Variants in PARN observed in about 807,000 individuals in gnomAD.
PARN encodes poly(A)-specific ribonuclease PARN.
Under a neutral mutation model 102.8 loss-of-function variants are expected in PARN, and 71 were observed. That is an observed-to-expected ratio of 0.69 (90% CI 0.57 to 0.84). The LOEUF (loss-of-function observed/expected upper bound fraction) is 0.84, where lower values mean the gene tolerates loss of function less well. Among genes scored for constraint, PARN ranks in the 40% least tolerant of loss-of-function variants. PARN has a pLI of 0.00. For missense variants in PARN, 782 were observed against 760.9 expected, an observed-to-expected ratio of 1.03 and a Z score of -0.33; for synonymous variants, 261 against 252.9, an observed-to-expected ratio of 1.03 and a Z score of -0.30.
chr16:14,506,197 G>C (rs778849525), intron 21 of PARN, among the ~76,000 whole-genome samples: 36 of 152,142 alleles, frequency 2.4e-4, no homozygotes, highest in Non-Finnish European at 5.0e-4. Context: ...TAAAACAACT[G>C]ATCTGAACTC....
At chr16:14,481,202 G>A (rs564766183) in intron 22 of PARN, among the ~76,000 whole-genome samples, 1 of 152,244 alleles carries the variant, frequency 6.6e-6, no homozygotes, top group Non-Finnish European at 1.5e-5. Context: ...CAGCCTTACT[G>A]ATAATAGCTC....
At chr16:14,609,789 G>C (rs1376985345) in intron 7 of PARN, among the ~76,000 whole-genome samples, 1 of 152,206 alleles carries the variant, frequency 6.6e-6, no homozygotes, top group Non-Finnish European at 1.5e-5. Flanking sequence ...TTTACTGCAA[G>C]CAAAGAGAAC....
At chr16:14,575,164 G>A (rs1969046876) in intron 18 of PARN, among the ~76,000 whole-genome samples, 1 of 152,340 alleles carries the variant, frequency 6.6e-6, no homozygotes, top group Non-Finnish European at 1.5e-5. Flanking sequence ...CAGTGCAGAA[G>A]GGAAATGTGG....
chr16:14,480,170 T>G (rs1416783414), intron 22 of PARN, among the ~76,000 whole-genome samples: 1 of 151,722 alleles, frequency 6.6e-6, no homozygotes, highest in Admixed American at 6.6e-5. Context: ...CTGTCTCTAC[T>G]AAAAAAACAA....
intron 23 of PARN, among the ~76,000 whole-genome samples, chr16:14,445,091 G>A (rs1961138346): frequency 6.7e-6 from 1 of 148,828 alleles, no homozygotes; most frequent in African/African-American, 2.5e-5. Flanking sequence ...GCTTCCCAGA[G>A]TGGTGGGATT....
chr16:14,471,090 G>C (rs1962712126), intron 22 of PARN, among the ~76,000 whole-genome samples: 1 of 152,122 alleles, frequency 6.6e-6, no homozygotes, highest in African/African-American at 2.4e-5. Flanking sequence ...GCTGATACAG[G>C]TAATTTTTAA....
At chr16:14,626,466 T>C (rs1377549439) in intron 5 of PARN, among the ~76,000 whole-genome samples, 1 of 152,144 alleles carries the variant, frequency 6.6e-6, no homozygotes, top group Non-Finnish European at 1.5e-5. Flanking sequence ...CTGCAAGTCT[T>C]GATGTGTAGG....
At chr16:14,471,036 T>C (rs1962708885) in intron 22 of PARN, among the ~76,000 whole-genome samples, 1 of 152,152 alleles carries the variant, frequency 6.6e-6, no homozygotes, top group African/African-American at 2.4e-5. Flanking sequence ...TCCCATCTCA[T>C]CCTCCCAAAG....
At chr16:14,461,216 C>G (rs920544751) in intron 22 of PARN, among the ~76,000 whole-genome samples, 2 of 152,018 alleles carry the variant, frequency 1.3e-5, no homozygotes, top group Non-Finnish European at 2.9e-5. Flanking sequence ...TCTAAAGAAG[C>G]CTATGGAGAT....
At chr16:14,581,327 C>A (rs138975696) in intron 17 of PARN, among the ~76,000 whole-genome samples, 1,536 of 152,228 alleles carry the variant, frequency 0.01, 28 homozygotes, top group African/African-American at 0.035. Context: ...GCTGGGATTA[C>A]AGGAGTAAGC....
At chr16:14,525,667 G>T (rs1965959366) in intron 21 of PARN, among the ~76,000 whole-genome samples, 1 of 152,090 alleles carries the variant, frequency 6.6e-6, no homozygotes, top group Admixed American at 6.5e-5. Context: ...GAGCCGCTCA[G>T]TGAATCCAGA....
chr16:14,630,096 C>A lies in PARN; in HGVS notation c.19+11G>T. The A allele has an allele frequency of 6.4e-7, 1 of 1,558,058 alleles. No individual in the cohort carries two copies. The highest frequency in any genetic ancestry group is 1.2e-5 in the South Asian group (1 of 84,736). Reference sequence around the variant, plus strand: ...TGTGGGGAGGCGGGGAGGTGTACGGCGGACACGCACTGCTCCTGATTATCT... The same window carrying A: ...TGTGGGGAGGCGGGGAGGTGTACGGAGGACACGCACTGCTCCTGATTATCT... On this transcript the variant is annotated intron_variant, in intron 1 of 23. Coordinates refer to ENST00000437198, the MANE Select transcript of PARN (RefSeq NM_002582.4).
At chr16:14,458,564 T>C (rs1297775214) in intron 22 of PARN, among the ~76,000 whole-genome samples, 2 of 152,018 alleles carry the variant, frequency 1.3e-5, no homozygotes, top group African/African-American at 4.8e-5. Context: ...ACTCTCTTTG[T>C]AGAGGAAAAG....
At chr16:14,496,429 A>G (rs1050332734) in intron 21 of PARN, among the ~76,000 whole-genome samples, 1 of 151,734 alleles carries the variant, frequency 6.6e-6, no homozygotes, top group Non-Finnish European at 1.5e-5. Context: ...TTACTTAAAG[A>G]AAAAAAAAGA....
intron 23 of PARN, among the ~76,000 whole-genome samples, chr16:14,437,017 G>C (rs1235155091): frequency 2.0e-5 from 3 of 152,330 alleles, no homozygotes; most frequent in Admixed American, 6.5e-5. Flanking sequence ...CCTGCCTCCA[G>C]CATCTATCTA....
At chr16:14,562,009 A>C (rs1379536047) in intron 18 of PARN, among the ~76,000 whole-genome samples, 2 of 151,828 alleles carry the variant, frequency 1.3e-5, no homozygotes, top group East Asian at 3.9e-4. Flanking sequence ...AAAATTAGCC[A>C]GGGGTGGTGG....
chr16:14,582,133 T>G, intron 17 of PARN, 48 bp downstream of exon 17: 1 of 1,153,342 alleles, frequency 8.7e-7, no homozygotes, highest in Non-Finnish European at 1.3e-6. Flanking sequence ...ACAGGTAAGA[T>G]CCACCCTAGA....
intron 22 of PARN, among the ~76,000 whole-genome samples, chr16:14,459,330 G>C (rs552689996): frequency 6.6e-6 from 1 of 152,134 alleles, no homozygotes; most frequent in African/African-American, 2.4e-5. Flanking sequence ...GTTGGTTTAA[G>C]AATACAAGGT....
chr16:14,617,324 C>T lies in PARN; in HGVS notation c.388+266G>A, dbSNP rs930675703. 2.8e-5 allele frequency among the ~76,000 whole-genome samples: 4 copies of T among 143,812 alleles called. No individual in the cohort carries two copies. The South Asian group carries it at 8.7e-4, about 31-fold the overall frequency. 94.3% of individuals were successfully genotyped at this position (143,812 alleles called of 152,430 possible). A position where few individuals can be genotyped will look rare whatever the true frequency, so the allele number is the denominator to read the frequency against. On this transcript the variant is annotated intron_variant, in intron 6 of 23. Coordinates refer to ENST00000437198, the MANE Select transcript of PARN (RefSeq NM_002582.4). ...GTGTGAAACTGGGAGGCAGAGCTTG[C>T]AGTGAGCCGAGATCACACCACTGCA...
Sources: gnomAD v4.1 joint callset for allele counts (sites outside exome capture counted in the v4.1 genomes callset) on GRCh38, gnomAD v4.1.1 for gene constraint, MANE v1.5 for transcripts, NCBI Gene and HGNC (gene_info 2026-07-23, HGNC 2026-07-21) for gene names.